ZNF880: variants seen among roughly 807,000 people sequenced by gnomAD.
ZNF880 encodes the protein zinc finger protein 880, also known as zinc finger protein LOC400713.
Under a neutral mutation model 11.8 loss-of-function variants are expected in ZNF880, and 12 were observed. That is an observed-to-expected ratio of 1.02 (90% CI 0.65 to 1.65). The LOEUF (loss-of-function observed/expected upper bound fraction) is 1.65. Ranked by LOEUF, ZNF880 falls within the 40% of genes most tolerant of loss-of-function variation. ZNF880 has a pLI of 0.00. For synonymous variants in ZNF880, 210 were observed against 232.4 expected (o/e 0.90, Z 0.88); for missense variants, 601 against 673.9 (o/e 0.89, Z 1.20).
At position 52,369,991 on chromosome 19, in the gene ZNF880, T is replaced by A; in HGVS notation, c.12+14T>A. 3 of 1,551,576 alleles carry A rather than the reference T, an allele frequency of 1.9e-6. No homozygotes were observed. Among genetic ancestry groups the A allele is most frequent in the Non-Finnish European group, 2.6e-6 (3 of 1,146,986 alleles). On this transcript the variant is annotated intron_variant, in intron 1 of 3. Transcript: ENST00000422689. Reference sequence around the variant, plus strand: ...ATGCTGCGGCGTGTGAGTTTCCCTTTGTTTAGATTAAATCTGGGATGCTGA... The same window carrying A: ...ATGCTGCGGCGTGTGAGTTTCCCTTAGTTTAGATTAAATCTGGGATGCTGA...
At chr19:52,370,340 C>A in intron 1 of ZNF880, 1 of 291,384 alleles carries the variant, frequency 3.4e-6, no homozygotes, top group Admixed American at 4.5e-5. Context: ...ACAGGCCTGC[C>A]CCCTTTTCTG....
Position 52,369,960 on chromosome 19 carries a change from A to T in ZNF880, c.-6A>T. On this transcript the variant is annotated 5_prime_UTR_variant, in exon 1 of 4. Transcript: ENST00000422689. Reference sequence around the variant, plus strand: ...ACCCGGAAGCAGATTACGTGGAGTGACGGTCATGCTGCGGCGTGTGAGTTT... The same window carrying T: ...ACCCGGAAGCAGATTACGTGGAGTGTCGGTCATGCTGCGGCGTGTGAGTTT... The T allele has an allele frequency of 6.4e-7, 1 of 1,551,592 alleles. No individual in the cohort carries two copies. The highest frequency in any genetic ancestry group is 8.7e-7 in the Non-Finnish European group (1 of 1,146,978).
At chr19:52,368,896 C>A (rs984203844), upstream of ZNF880, among the ~76,000 whole-genome samples, 1 of 139,294 alleles carries the variant, frequency 7.2e-6, no homozygotes, top group Non-Finnish European at 1.5e-5. Flanking sequence ...ATGGGAGGAT[C>A]ACTTGATGCC....
chr19:52,379,184 A>G (rs1369299604), intron 3 of ZNF880, among the ~76,000 whole-genome samples: 1 of 152,066 alleles, frequency 6.6e-6, no homozygotes, highest in East Asian at 1.9e-4. Flanking sequence ...GGGATGTTGT[A>G]TCAGGGAATG....
chr19:52,373,307 T>C (rs1986448165), intron 2 of ZNF880, 70 bp downstream of exon 2: 3 of 1,505,048 alleles, frequency 2.0e-6, no homozygotes, highest in Non-Finnish European at 1.8e-6. Flanking sequence ...GTGTGCCTCT[T>C]AGCATCTTAG....
At chr19:52,378,424 C>G (rs1986615106) in intron 3 of ZNF880, among the ~76,000 whole-genome samples, 1 of 151,676 alleles carries the variant, frequency 6.6e-6, no homozygotes, top group Middle Eastern at 3.2e-3. Context: ...GCAGGCGGAT[C>G]AGAAAGTCAG....
chr19:52,388,671 T>C (rs748765405), downstream of ZNF880, among the ~76,000 whole-genome samples: 1 of 152,082 alleles, frequency 6.6e-6, no homozygotes, highest in African/African-American at 2.4e-5. Flanking sequence ...TACACTGATA[T>C]GGTCTGCAAA....
At chr19:52,381,241 C>T (rs1039830052) in intron 3 of ZNF880, among the ~76,000 whole-genome samples, 1 of 152,198 alleles carries the variant, frequency 6.6e-6, no homozygotes, top group Non-Finnish European at 1.5e-5. Flanking sequence ...TGAGCCACTG[C>T]ATCCAGCCTC....
chr19:52,372,687 G>C (rs1262273086), intron 1 of ZNF880, among the ~76,000 whole-genome samples: 1 of 150,062 alleles, frequency 6.7e-6, no homozygotes, highest in African/African-American at 2.4e-5. Flanking sequence ...GGATCACGAA[G>C]TCAGGAGATC....
rs1986854037 is a variant in ZNF880 at position 52,385,353 on chromosome 19, T to C, written c.*39T>C. The C allele has an allele frequency of 2.0e-6, 3 of 1,536,460 alleles. No homozygotes were observed. Among genetic ancestry groups the C allele is most frequent in the Non-Finnish European group, 2.6e-6 (3 of 1,136,244 alleles). ...AGATCTTTAGTAATAATTCACACCT[T>C]GCACAGCATGAGATAATTCATTCAT... On this transcript the variant is annotated 3_prime_UTR_variant, in exon 4 of 4. Transcript: ENST00000422689.
the ZNF880 span, chr19:52,396,392 T>C: frequency 2.6e-5 from 4 of 152,218 alleles, no homozygotes; most frequent in Admixed American, 6.5e-5. Context: ...CAGGGCAACA[T>C]CATTGAGGTA....
In ZNF880 at chr19:52,373,189, T is replaced by C. The variant is rs1986442475; in HGVS notation, c.91T>C (p.Leu31=). 3.7e-6 allele frequency: 6 copies of C among 1,613,216 alleles called. No homozygotes were observed. The South Asian group carries it at 4.4e-5, about 12-fold the overall frequency. ...WKCLDPAQRT[L]YREVMVENYR... is the part of the protein sequence containing the mutation. Reference sequence around the variant, plus strand: ...ATGTCTGGACCCTGCTCAGAGGACTTTATACAGGGAAGTGATGGTGGAGAA... The same window carrying C: ...ATGTCTGGACCCTGCTCAGAGGACTCTATACAGGGAAGTGATGGTGGAGAA... The change falls in exon 2 of 4, where the codon TTA becomes CTA. Residue 31 remains leucine (L), a synonymous_variant. Transcript: ENST00000422689.
At chr19:52,383,634 A>C (rs11084156) in intron 3 of ZNF880, among the ~76,000 whole-genome samples, 4 of 151,820 alleles carry the variant, frequency 2.6e-5, no homozygotes, top group African/African-American at 7.3e-5. Context: ...ATCTCTCTCA[A>C]ACTCACCCAT....
chr19:52,393,438 T>C, the ZNF880 span, among the ~76,000 whole-genome samples: 9 of 152,064 alleles, frequency 5.9e-5, no homozygotes, highest in African/African-American at 2.2e-4. Flanking sequence ...GACAGATTCT[T>C]GCTTCGAGAC....
downstream of ZNF880, among the ~76,000 whole-genome samples, chr19:52,386,042 G>C (rs1365656258): frequency 1.5e-4 from 22 of 142,340 alleles, 2 homozygotes; most frequent in South Asian, 3.1e-3. Context: ...AGGCATGGTG[G>C]CAGACGCCTG....
rs763555428 is a variant in ZNF880, at chr19:52,385,075, A to C, written c.1495A>C (p.Lys499Gln). The change falls in exon 4 of 4, where the codon AAA becomes CAA. Residue 499 changes from lysine (K) to glutamine (Q), a missense_variant. By Grantham distance (53) the Lys-to-Gln change is moderately conservative. Around this residue, in one of 3 missense-constraint regions of ZNF880, gnomAD observed 177 missense variants for 214.5 expected, o/e 0.83. Coordinates refer to ENST00000422689, the MANE Select transcript of ZNF880 (RefSeq NM_001145434.2). The stretch of plus-strand genomic sequence containing the variant: ...ACCTTACAAATGCAGTGAATGTCAC[A>C]AAGTCTTTAGTCACAATTCACACCT... The part of the protein sequence containing the change: ...EKPYKCSECH[K>Q]VFSHNSHLAR... 3.2e-6 allele frequency: 5 copies of C among 1,562,908 alleles called. No homozygotes were observed. Among genetic ancestry groups the C allele is most frequent in the African/African-American group, 1.4e-5 (1 of 73,566 alleles).
At chr19:52,391,850 T>G in the ZNF880 span, among the ~76,000 whole-genome samples, 238 of 149,892 alleles carry the variant, frequency 1.6e-3, no homozygotes, top group Non-Finnish European at 2.9e-3. Flanking sequence ...TGTGAGTGTA[T>G]AAGATAGGAG....
chr19:52,370,387 G>A (rs914797055), intron 1 of ZNF880: 18 of 195,660 alleles, frequency 9.2e-5, no homozygotes, highest in African/African-American at 4.1e-4. Flanking sequence ...GATGTTTACT[G>A]CTGATTGTGA....
At chr19:52,387,678 A>G (rs1383681433), downstream of ZNF880, among the ~76,000 whole-genome samples, 1 of 143,014 alleles carries the variant, frequency 7.0e-6, no homozygotes, top group Non-Finnish European at 1.5e-5. Flanking sequence ...CGAACTCCTG[A>G]ACTCAGGCAA....
Sources: allele counts gnomAD v4.1 joint callset (sites outside exome capture counted in the v4.1 genomes callset), GRCh38; gene constraint gnomAD v4.1.1; regional missense constraint gnomAD v4.1.1; transcripts MANE v1.5; gene names NCBI Gene and HGNC (gene_info 2026-07-23, HGNC 2026-07-21).